Variants in NXPE1 observed in about 807,000 individuals in gnomAD.
NXPE1 encodes the protein neurexophilin and PC-esterase domain family member 1, also known as NXPE family member 1.
NXPE1 carries 31 observed loss-of-function variants against 33.3 expected under a neutral mutation model. That is an observed-to-expected ratio of 0.93 (90% confidence interval 0.70 to 1.26). The LOEUF is 1.26. NXPE1 is among the 50% of genes most tolerant of loss of function. The pLI is 0.00. For synonymous variants in NXPE1, 229 were observed against 231.4 expected, an observed-to-expected ratio of 0.99 and a Z score of 0.09; for missense variants, 661 against 655.6, an observed-to-expected ratio of 1.01 and a Z score of -0.09.
chr11:114,533,420 G>A (rs1168869631), intron 5 of NXPE1, among the ~76,000 whole-genome samples: 1 of 152,196 alleles, frequency 6.6e-6, no homozygotes, highest in African/African-American at 2.4e-5. Flanking sequence ...ATCTCATGGG[G>A]AGTGCCGGAC....
At chr11:114,530,350 A>G in exon 6 of NXPE1, 1 of 1,614,228 alleles carries the variant, frequency 6.2e-7, no homozygotes, top group African/African-American at 1.3e-5. Flanking sequence ...GTCAGGCCAC[A>G]TTCAGTGAAG....
At chr11:114,543,349 AGCAAG>A (rs1948167378) in intron 5 of NXPE1, among the ~76,000 whole-genome samples, 1 of 151,312 alleles carries the variant, frequency 6.6e-6, no homozygotes, top group South Asian at 2.1e-4. Flanking sequence ...TGGGCAACAG[AGCAAG>A]ACTCTAATTA....
At chr11:114,553,691 G>T in intron 1 of NXPE1, 1 of 983,702 alleles carries the variant, frequency 1.0e-6, no homozygotes, top group Non-Finnish European at 1.2e-6. Flanking sequence ...GTCTCACCTA[G>T]ATTCTACTCC....
intron 1 of NXPE1, among the ~76,000 whole-genome samples, chr11:114,555,516 C>T (rs145599425): frequency 0.021 from 3,218 of 152,260 alleles, 120 homozygotes; most frequent in African/African-American, 0.073. Flanking sequence ...TGAGCCACCA[C>T]GCCCAGCCAA....
At chr11:114,521,395 C>T (rs533445315), downstream of NXPE1, among the ~76,000 whole-genome samples, 3 of 152,246 alleles carry the variant, frequency 2.0e-5, no homozygotes, top group African/African-American at 7.2e-5. Flanking sequence ...TGAAGAGACT[C>T]CTTTGGGTTA....
rs137986456 is a variant in NXPE1 at position 114,551,401 on chromosome 11, C to T, written c.-29G>A. On this transcript the variant is annotated 5_prime_UTR_variant, in exon 4 of 9. Coordinates refer to ENST00000534921, the Ensembl canonical transcript of NXPE1. ...TGTCTACCTATTGGATACTTCTTGT[C>T]GAGGTTTCACTCAGGATTGTTGCTT... 36 of 1,338,158 alleles carry T rather than the reference C, an allele frequency of 2.7e-5. No individual in the cohort carries two copies. The African/African-American group carries it at 4.6e-4, about 17-fold the overall frequency. 82.9% of individuals were successfully genotyped at this position (1,338,158 alleles called of 1,614,324 possible). A position where few individuals can be genotyped will look rare whatever the true frequency, so the allele number is the denominator to read the frequency against.
chr11:114,523,036 A>T, exon 8 of NXPE1: 5 of 1,613,824 alleles, frequency 3.1e-6, no homozygotes, highest in Non-Finnish European at 4.2e-6. Context: ...AAGTATAACC[A>T]CCAGGGACAG....
At chr11:114,527,652 C>T (rs1488458705) in intron 7 of NXPE1, among the ~76,000 whole-genome samples, 188 bp downstream of exon 7, 1 of 152,176 alleles carries the variant, frequency 6.6e-6, no homozygotes, top group Non-Finnish European at 1.5e-5. Flanking sequence ...TTGGATATAT[C>T]AAGATGTAAT....
intron 5 of NXPE1, among the ~76,000 whole-genome samples, chr11:114,538,182 G>T (rs893462928): frequency 7.9e-5 from 12 of 152,292 alleles, no homozygotes; most frequent in Middle Eastern, 3.4e-3. Flanking sequence ...ATGGGGAAAG[G>T]ATTCCCTATT....
intron 1 of NXPE1, chr11:114,553,923 T>C: frequency 1.0e-6 from 1 of 985,218 alleles, no homozygotes; most frequent in Non-Finnish European, 1.2e-6. Flanking sequence ...AACAGGATTT[T>C]TGTTTTTGTT....
intron 1 of NXPE1, chr11:114,553,975 A>T: frequency 1.0e-6 from 1 of 985,368 alleles, no homozygotes; most frequent in African/African-American, 1.7e-5. Context: ...TGCTCATAGG[A>T]ATCTCAAAGT....
At chr11:114,537,837 A>G (rs561816037) in intron 5 of NXPE1, among the ~76,000 whole-genome samples, 72 of 151,848 alleles carry the variant, frequency 4.7e-4, no homozygotes, top group African/African-American at 1.6e-3. Flanking sequence ...AATCAGTATC[A>G]TGAAAATGGC....
intron 2 of NXPE1, among the ~76,000 whole-genome samples, chr11:114,552,290 C>A (rs1205814451): frequency 6.6e-6 from 1 of 152,006 alleles, no homozygotes; most frequent in African/African-American, 2.4e-5. Flanking sequence ...GTGTTGAGAC[C>A]AAATGAATGA....
chr11:114,525,995 A>G (rs899481322), intron 7 of NXPE1, among the ~76,000 whole-genome samples: 7 of 152,180 alleles, frequency 4.6e-5, no homozygotes, highest in African/African-American at 1.7e-4. Context: ...TGGAGAGACT[A>G]TCCTGGATTA....
chr11:114,556,896 C>CTT (rs796264702), intron 1 of NXPE1, among the ~76,000 whole-genome samples: 8 of 140,686 alleles, frequency 5.7e-5, no homozygotes, highest in Non-Finnish European at 9.3e-5. Context: ...CCCTTTTTGA[C>CTT]TTTTTTTTTT....
chr11:114,557,533 C>T (rs761165663), intron 1 of NXPE1, among the ~76,000 whole-genome samples: 4 of 150,658 alleles, frequency 2.7e-5, no homozygotes, highest in Non-Finnish European at 4.4e-5. Flanking sequence ...TCAAGTGATC[C>T]TTCTACCTTA....
chr11:114,537,416 G>C (rs1026210562), intron 5 of NXPE1, among the ~76,000 whole-genome samples: 1 of 152,150 alleles, frequency 6.6e-6, no homozygotes, highest in Non-Finnish European at 1.5e-5. Context: ...ACATAGGGTT[G>C]GAAGTTCTGG....
intron 5 of NXPE1, among the ~76,000 whole-genome samples, chr11:114,548,081 A>G (rs906035833): frequency 6.6e-6 from 1 of 152,198 alleles, no homozygotes; most frequent in Non-Finnish European, 1.5e-5. Flanking sequence ...TTCATAACCA[A>G]AAAAGTATTA....
At chr11:114,530,186 G>T in exon 6 of NXPE1, 1 of 1,604,756 alleles carries the variant, frequency 6.2e-7, no homozygotes, top group South Asian at 1.1e-5. Context: ...TGTGGAAAAG[G>T]CTGTTTTCCT....
Sources: allele counts gnomAD v4.1 joint callset (sites outside exome capture counted in the v4.1 genomes callset), GRCh38; gene constraint gnomAD v4.1.1; transcripts MANE v1.5; gene names NCBI Gene and HGNC (gene_info 2026-07-23, HGNC 2026-07-21).